HYDIN: variants seen among roughly 807,000 people sequenced by gnomAD.
HYDIN encodes axonemal central pair apparatus protein HYDIN.
In HYDIN, 132 loss-of-function variants were observed where a neutral mutation model predicts 403.9. That is an observed-to-expected ratio of 0.33 (90% CI 0.28 to 0.38). The LOEUF (loss-of-function observed/expected upper bound fraction) is 0.38. Among genes scored for constraint, HYDIN ranks in the 10% least tolerant of loss-of-function variants. The probability of loss-of-function intolerance (pLI) is 1.00; values close to 1 mark genes in which losing one functional copy is unlikely to be tolerated. For synonymous variants in HYDIN, 1,202 were observed against 1,891.7 expected, an observed-to-expected ratio of 0.64 and a Z score of 9.46; for missense variants, 2,827 against 5,009.5, an observed-to-expected ratio of 0.56 and a Z score of 13.15.
At chr16:70,934,331 CTTTT>C (rs113716196) in intron 45 of HYDIN, among the ~76,000 whole-genome samples, 1 of 149,186 alleles carries the variant, frequency 6.7e-6, no homozygotes, top group African/African-American at 2.5e-5. Context: ...TTGAAGAAAA[CTTTT>C]TTTTTTTTCA....
rs565767895 is a variant in HYDIN, at chr16:71,075,183, T to C, written c.1738+4702A>G. On this transcript the variant is annotated intron_variant, in intron 13 of 85. Transcript: ENST00000393567. ...TTTGGGAAATCTTGGGGGTCATGGT[T>C]CTGCAGTGTCTTCTGGCCTCTTGCA... Among the ~76,000 whole-genome samples the C allele has an allele frequency of 1.8e-4, 28 of 152,144 alleles. No individual in the cohort carries two copies. In the East Asian group the frequency reaches 5.2e-3, roughly 28 times the overall value.
Position 71,102,725 on chromosome 16 carries a change from T to C in HYDIN, c.1328-8790A>G, listed in dbSNP as rs371658000. ...GCTCATCTTCCCACAATTTCCCTGA[T>C]GGTTTAGTCTTTCATGGGTCCTAGA... On this transcript the variant is annotated intron_variant, in intron 10 of 85. Transcript: ENST00000393567. Among the ~76,000 whole-genome samples, 1,041 of 151,666 alleles carry C rather than the reference T, an allele frequency of 6.9e-3. 7 individuals carry two copies. Among genetic ancestry groups the C allele is most frequent in the African/African-American group, 0.024 (996 of 41,262 alleles).
Position 70,807,412 on chromosome 16 carries a change from A to G in HYDIN, c.*168T>C. On this transcript the variant is annotated 3_prime_UTR_variant, in exon 86 of 86. Transcript: ENST00000393567. Reference sequence around the variant, plus strand: ...GTAGTTATAATGTTTAATATGGAATAGATATTTCATATCTATATTTGGAAA... The same window carrying G: ...GTAGTTATAATGTTTAATATGGAATGGATATTTCATATCTATATTTGGAAA... 1 of 688,664 alleles carries G rather than the reference A, an allele frequency of 1.5e-6. No homozygotes were observed. The highest frequency in any genetic ancestry group is 2.4e-6 in the Non-Finnish European group (1 of 421,474). The allele number at this position is 688,664 out of a possible 1,614,324, so 42.7% of individuals were successfully genotyped here.
intron 47 of HYDIN, among the ~76,000 whole-genome samples, chr16:70,916,699 A>G (rs1774402): frequency 4.2e-3 from 553 of 132,990 alleles, no homozygotes; most frequent in Middle Eastern, 7.6e-3. Context: ...GTATCTTTCA[A>G]TCTAGACCCT....
chr16:70,926,907 C>G (rs1012738009), intron 45 of HYDIN, among the ~76,000 whole-genome samples: 67 of 152,252 alleles, frequency 4.4e-4, no homozygotes, highest in African/African-American at 1.5e-3. Flanking sequence ...AGACAGCGAA[C>G]TAGACCATAT....
chr16:71,204,861 G>T (rs547670795), intron 1 of HYDIN, among the ~76,000 whole-genome samples: 44 of 152,058 alleles, frequency 2.9e-4, no homozygotes, highest in Non-Finnish European at 4.1e-4. Flanking sequence ...AAGTGAAGAG[G>T]ACTTCCACTT....
chr16:71,012,378 G>A (rs1170251738), intron 23 of HYDIN, among the ~76,000 whole-genome samples: 1 of 152,230 alleles, frequency 6.6e-6, no homozygotes, highest in Admixed American at 6.5e-5. Flanking sequence ...TTCCTGTCAC[G>A]GGCACAAACT....
intron 18 of HYDIN, among the ~76,000 whole-genome samples, chr16:71,052,353 GA>G (rs2081685107): frequency 6.6e-6 from 1 of 151,720 alleles, no homozygotes; most frequent in South Asian, 2.1e-4. Context: ...TATTAAGTCT[GA>G]AGTATAACAG....
chr16:70,957,328 ATTTTT>A (rs567388952), intron 39 of HYDIN, among the ~76,000 whole-genome samples: 2 of 137,530 alleles, frequency 1.5e-5, no homozygotes, highest in African/African-American at 5.4e-5. Flanking sequence ...TTTCCTTCCT[ATTTTT>A]TTTTTTTTTT....
intron 1 of HYDIN, among the ~76,000 whole-genome samples, chr16:71,226,015 C>A (rs1300339073): frequency 1.3e-5 from 2 of 152,164 alleles, no homozygotes; most frequent in Non-Finnish European, 2.9e-5. Context: ...CCAATGAAAT[C>A]TAATCAAAAT....
intron 1 of HYDIN, among the ~76,000 whole-genome samples, chr16:71,208,802 G>T (rs1021722412): frequency 2.0e-5 from 3 of 152,178 alleles, no homozygotes; most frequent in South Asian, 2.1e-4. Flanking sequence ...TAGAAGAAAT[G>T]GATAAATTTC....
chr16:71,199,918 T>A (rs1473936802), intron 1 of HYDIN, among the ~76,000 whole-genome samples: 1 of 152,182 alleles, frequency 6.6e-6, no homozygotes, highest in Non-Finnish European at 1.5e-5. Context: ...CTGGGCTGCA[T>A]TCTCAGACAG....
intron 10 of HYDIN, among the ~76,000 whole-genome samples, chr16:71,098,481 C>T (rs983211133): frequency 6.6e-6 from 1 of 151,680 alleles, no homozygotes; most frequent in South Asian, 2.1e-4. Flanking sequence ...GGATTACAGG[C>T]GTGAGCCACC....
chr16:71,222,357 C>T (rs536646224), intron 1 of HYDIN, among the ~76,000 whole-genome samples: 23 of 152,162 alleles, frequency 1.5e-4, no homozygotes, highest in Non-Finnish European at 2.1e-4. Flanking sequence ...AAGCCATATA[C>T]GACAAACCCA....
chr16:70,939,576 CTTAT>C (rs2077606054), intron 43 of HYDIN, among the ~76,000 whole-genome samples: 1 of 152,228 alleles, frequency 6.6e-6, no homozygotes, highest in Non-Finnish European at 1.5e-5. Context: ...TACATGATTG[CTTAT>C]TTAATCTCCA....
rs748383276 is a variant in HYDIN, at chr16:70,991,343, G to A, written c.3839C>T (p.Thr1280Met). ...ATCTGAGATCACACTGGAAGCTTTCGTTTTTCTTAGTTCTTTTTCTTCAGG... is the reference window on the plus strand; with the variant it reads ...ATCTGAGATCACACTGGAAGCTTTCATTTTTCTTAGTTCTTTTTCTTCAGG... ...ARPEEKELRK[T>M]KASSVISDEI... Residue 1280 changes from threonine (T) to methionine (M), a missense_variant, in exon 25 of 86, where the codon ACG (threonine) becomes ATG (methionine). Coordinates refer to ENST00000393567, the MANE Select transcript of HYDIN (RefSeq NM_001270974.2). 6.4e-5 allele frequency: 104 copies of A among 1,613,926 alleles called. No individual in the cohort carries two copies. In the East Asian group the frequency reaches 9.6e-4, roughly 15 times the overall value.
intron 1 of HYDIN, among the ~76,000 whole-genome samples, chr16:71,224,365 T>C (rs2040934817): frequency 6.6e-6 from 1 of 152,144 alleles, no homozygotes; most frequent in Non-Finnish European, 1.5e-5. Context: ...ACAGGTACAC[T>C]GAAATCTCAG....
At chr16:70,974,809 C>T in intron 31 of HYDIN, 139 bp from the exon 32 acceptor site, 1 of 748,212 alleles carries the variant, frequency 1.3e-6, no homozygotes, top group Non-Finnish European at 2.2e-6. Flanking sequence ...AATGGCTACC[C>T]AAATGGAGAC....
chr16:71,092,642 G>A (rs1488872074), intron 11 of HYDIN, among the ~76,000 whole-genome samples: 6 of 149,604 alleles, frequency 4.0e-5, no homozygotes, highest in East Asian at 4.0e-4. Flanking sequence ...GTGCAGTGGC[G>A]CGATCTTGGC....
Sources: allele counts gnomAD v4.1 joint callset (sites outside exome capture counted in the v4.1 genomes callset), GRCh38; gene constraint gnomAD v4.1.1; transcripts MANE v1.5; gene names NCBI Gene and HGNC (gene_info 2026-07-23, HGNC 2026-07-21).